Variants in PRKCA observed in about 807,000 individuals in gnomAD.
PRKCA encodes the protein protein kinase C alpha type.
A neutral mutation model predicts 87.0 loss-of-function variants in PRKCA; 27 were observed. The observed-to-expected ratio is 0.31, with a 90% CI of 0.23 to 0.43. The LOEUF is 0.43. PRKCA is among the 20% of genes least tolerant of loss of function. The pLI is 1.00. For synonymous variants in PRKCA, 329 were observed against 311.1 expected (o/e 1.06, Z -0.61); for missense variants, 518 against 852.3 (o/e 0.61, Z 4.88).
chr17:66,532,255 C>T (rs550648448), intron 3 of PRKCA, among the ~76,000 whole-genome samples: 23 of 152,166 alleles, frequency 1.5e-4, no homozygotes, highest in Non-Finnish European at 3.1e-4. Context: ...AAAAAAGTCA[C>T]GTGATGATTC....
intron 3 of PRKCA, among the ~76,000 whole-genome samples, chr17:66,582,672 C>T (rs913953052): frequency 6.6e-6 from 1 of 152,122 alleles, no homozygotes; most frequent in Admixed American, 6.6e-5. Flanking sequence ...TTATTAGCAG[C>T]GTGAGAGCAG....
chr17:66,626,074 C>T (rs886325346), intron 3 of PRKCA, among the ~76,000 whole-genome samples: 1 of 152,162 alleles, frequency 6.6e-6, no homozygotes, highest in African/African-American at 2.4e-5. Flanking sequence ...AATATGTTTC[C>T]GAACTCTCTG....
chr17:66,695,989 TAG>T (rs1475954304), intron 8 of PRKCA, among the ~76,000 whole-genome samples: 1 of 152,248 alleles, frequency 6.6e-6, no homozygotes, highest in African/African-American at 2.4e-5. Flanking sequence ...GAGAAATTTA[TAG>T]CCAAGTGTGA....
At chr17:66,502,617 C>T (rs1336484748) in intron 3 of PRKCA, among the ~76,000 whole-genome samples, 1 of 151,738 alleles carries the variant, frequency 6.6e-6, no homozygotes. Context: ...CAAGCTCAGT[C>T]CTGCTCTTAG....
chr17:66,399,869 T>C (rs368852985), intron 2 of PRKCA, among the ~76,000 whole-genome samples: 1 of 152,172 alleles, frequency 6.6e-6, no homozygotes, highest in Admixed American at 6.5e-5. Flanking sequence ...ATGCTTGGGA[T>C]CAGAAATGGT....
At chr17:66,741,793 G>A in intron 12 of PRKCA, 72 bp downstream of exon 12, 1 of 1,489,470 alleles carries the variant, frequency 6.7e-7, no homozygotes, top group East Asian at 2.3e-5. Context: ...ATGTCATTCT[G>A]GAATGGTGAC....
At chr17:66,397,251 C>A (rs1353891276) in intron 2 of PRKCA, among the ~76,000 whole-genome samples, 1 of 147,500 alleles carries the variant, frequency 6.8e-6, no homozygotes, top group Middle Eastern at 3.3e-3. Flanking sequence ...AGGCATGAGC[C>A]AGCATGCCCG....
intron 3 of PRKCA, among the ~76,000 whole-genome samples, chr17:66,506,542 T>C (rs777735092): frequency 3.3e-5 from 5 of 152,168 alleles, no homozygotes; most frequent in Admixed American, 6.5e-5. Flanking sequence ...ATAACCTAAC[T>C]TGATCACCAG....
At chr17:66,698,632 G>C (rs548494674) in intron 8 of PRKCA, among the ~76,000 whole-genome samples, 45 of 152,054 alleles carry the variant, frequency 3.0e-4, no homozygotes, top group Non-Finnish European at 5.0e-4. Flanking sequence ...CATTTGCATT[G>C]TGGAAATTCT....
At chr17:66,801,358 C>T (rs553050609) in intron 16 of PRKCA, among the ~76,000 whole-genome samples, 4 of 152,154 alleles carry the variant, frequency 2.6e-5, no homozygotes, top group Non-Finnish European at 5.9e-5. Context: ...CCAGGCTTGT[C>T]CCACCCAAGT....
intron 3 of PRKCA, among the ~76,000 whole-genome samples, chr17:66,533,136 A>G (rs535433926): frequency 1.3e-5 from 2 of 152,280 alleles, no homozygotes; most frequent in South Asian, 4.1e-4. Context: ...TGATTCCTAC[A>G]CTTATTCTCC....
At chr17:66,583,859 C>T (rs1969518110) in intron 3 of PRKCA, among the ~76,000 whole-genome samples, 1 of 152,138 alleles carries the variant, frequency 6.6e-6, no homozygotes. Flanking sequence ...CAACATTGTG[C>T]AGCTAAGTAT....
intron 5 of PRKCA, among the ~76,000 whole-genome samples, chr17:66,655,866 G>A (rs1380403553): frequency 5.0e-5 from 5 of 99,246 alleles, no homozygotes; most frequent in Non-Finnish European, 1.0e-4. Context: ...AAGCCACATG[G>A]CTCTGGGATC....
At chr17:66,619,678 A>T (rs920600548) in intron 3 of PRKCA, among the ~76,000 whole-genome samples, 1 of 152,182 alleles carries the variant, frequency 6.6e-6, no homozygotes, top group Admixed American at 6.5e-5. Flanking sequence ...GGCAGAGCTC[A>T]ACTATGTGGA....
chr17:66,712,686 G>T (rs1973362531), intron 8 of PRKCA, among the ~76,000 whole-genome samples: 1 of 152,266 alleles, frequency 6.6e-6, no homozygotes, highest in East Asian at 1.9e-4. Context: ...AGGCAGCAGG[G>T]TGTGGCGAGG....
At position 66,302,760 on chromosome 17, in the gene PRKCA, C is replaced by T; in HGVS notation, c.-92C>T. ...CCCGCGCCCCGCGCCCGGGGTCGCC[C>T]CGAGCCCGCACCTCTCCCCCGCCGC... On this transcript the variant is annotated 5_prime_UTR_variant, in exon 1 of 17. Transcript: ENST00000413366. The T allele has an allele frequency of 8.8e-7, 1 of 1,141,636 alleles. No individual in the cohort carries two copies. Among genetic ancestry groups the T allele is most frequent in the South Asian group, 2.4e-5 (1 of 41,988 alleles). 70.7% of individuals were successfully genotyped at this position (1,141,636 alleles called of 1,614,324 possible). A position where few individuals can be genotyped will look rare whatever the true frequency, so the allele number is the denominator to read the frequency against.
At chr17:66,371,873 C>G (rs545066341) in intron 2 of PRKCA, among the ~76,000 whole-genome samples, 47 of 152,256 alleles carry the variant, frequency 3.1e-4, no homozygotes, top group African/African-American at 1.1e-3. Context: ...TCCGAAACTC[C>G]CTACTTGATG....
At chr17:66,549,129 A>G (rs1968247906) in intron 3 of PRKCA, among the ~76,000 whole-genome samples, 1 of 148,632 alleles carries the variant, frequency 6.7e-6, no homozygotes, top group African/African-American at 2.5e-5. Context: ...TTAAGCTACC[A>G]AGTTTATGGC....
At chr17:66,356,701 A>G (rs1470268676) in intron 2 of PRKCA, among the ~76,000 whole-genome samples, 1 of 152,242 alleles carries the variant, frequency 6.6e-6, no homozygotes, top group Admixed American at 6.5e-5. Context: ...CTTGAAAATC[A>G]GCCAGAAATG....
Sources: allele counts gnomAD v4.1 joint callset (sites outside exome capture counted in the v4.1 genomes callset), GRCh38; gene constraint gnomAD v4.1.1; transcripts MANE v1.5; gene names NCBI Gene and HGNC (gene_info 2026-07-23, HGNC 2026-07-21).